Variants in EGFL8 observed in about 807,000 individuals in gnomAD.
EGFL8 encodes the protein EGF like domain multiple 8, also known as epidermal growth factor-like protein 8.
Under a neutral mutation model 39.4 loss-of-function variants are expected in EGFL8, and 32 were observed. The ratio of observed to expected loss-of-function variants is 0.81; its 90% CI spans 0.61 to 1.09. The LOEUF (loss-of-function observed/expected upper bound fraction) is 1.09. EGFL8 is among the 50% of genes least tolerant of loss of function. EGFL8 has a pLI of 0.00. For missense variants in EGFL8, 385 were observed against 402.2 expected (o/e 0.96, Z 0.37); for synonymous variants, 177 against 168.5 (o/e 1.05, Z -0.39).
rs1784682262 is a variant in EGFL8, at chr6:32,167,838, G to A, written c.836-72G>A. ...CCCCAGCCCAACAGTTTCACTTATT[G>A]TTTGGTGAGAGTGGCAGTGTAGTCC... On this transcript the variant is annotated intron_variant, in intron 8 of 8. Transcript: ENST00000333845. The surrounding 1 kb of genome is among the most constrained non-coding windows in gnomAD (Gnocchi z 6.4). The A allele has an allele frequency of 7.7e-6, 12 of 1,566,808 alleles. No homozygotes were observed. Among genetic ancestry groups the A allele is most frequent in the Non-Finnish European group, 1.1e-5 (12 of 1,140,324 alleles).
In EGFL8 at chr6:32,168,052, C is replaced by A; in HGVS notation, c.*96C>A. 7.9e-7 allele frequency: 1 copy of A among 1,272,032 alleles called. No individual in the cohort carries two copies. Among genetic ancestry groups the A allele is most frequent in the Non-Finnish European group, 1.1e-6 (1 of 873,814 alleles). 78.8% of individuals were successfully genotyped at this position (1,272,032 alleles called of 1,614,324 possible). A position where few individuals can be genotyped will look rare whatever the true frequency, so the allele number is the denominator to read the frequency against. On this transcript the variant is annotated 3_prime_UTR_variant, in exon 9 of 9. Coordinates refer to ENST00000333845, the MANE Select transcript of EGFL8 (RefSeq NM_030652.4). The surrounding 1 kb of genome is among the most constrained non-coding windows in gnomAD (Gnocchi z 4.5). ...GACTGTGAGCTGCAGATAAGGCTAT[C>A]AGCCACCAAAGAGCAATGAACAATG...
At position 32,166,411 on chromosome 6, in the gene EGFL8, G is replaced by A; in HGVS notation, c.102-87G>A. 6.2e-7 allele frequency: 1 copy of A among 1,603,472 alleles called. No individual in the cohort carries two copies. Among genetic ancestry groups the A allele is most frequent in the Non-Finnish European group, 8.5e-7 (1 of 1,172,202 alleles). On this transcript the variant is annotated intron_variant, in intron 2 of 8. Coordinates refer to ENST00000333845, the MANE Select transcript of EGFL8 (RefSeq NM_030652.4). The surrounding 1 kb of genome is among the most constrained non-coding windows in gnomAD (Gnocchi z 7.3). Reference sequence around the variant, plus strand: ...TCTGGAGGGAGAGCGGGGGGCCTCAGTAGCCTCTTGAGGGAAGTGGGACTC... The same window carrying A: ...TCTGGAGGGAGAGCGGGGGGCCTCAATAGCCTCTTGAGGGAAGTGGGACTC...
Position 32,164,808 on chromosome 6 carries a change from G to T in EGFL8, c.-29+151G>T. 1 of 625,646 alleles carries T rather than the reference G, an allele frequency of 1.6e-6. No individual in the cohort carries two copies. 38.8% of individuals were successfully genotyped at this position (625,646 alleles called of 1,614,324 possible). A position where few individuals can be genotyped will look rare whatever the true frequency, so the allele number is the denominator to read the frequency against. ...ATTTAGGGCGTTATGTGACGGTGTG[G>T]GTATATGAGGGGAGTAGCAGTGTGT... is the stretch of plus-strand genomic sequence containing the variant. On this transcript the variant is annotated intron_variant, in intron 1 of 8. Transcript: ENST00000333845. The surrounding 1 kb of genome is among the most constrained non-coding windows in gnomAD (Gnocchi z 5.4).
chr6:32,165,971 T>C, intron 1 of EGFL8, 167 bp from the exon 2 acceptor site: 1 of 632,620 alleles, frequency 1.6e-6, no homozygotes, highest in Non-Finnish European at 2.9e-6. Flanking sequence ...AAGGACAGGA[T>C]AGTGTTGGGT....
At position 32,166,748 on chromosome 6, in the gene EGFL8, A is replaced by C. The variant is rs1250465600; in HGVS notation, c.272A>C (p.Gln91Pro). 6.3e-7 allele frequency: 1 copy of C among 1,581,860 alleles called. No homozygotes were observed. Among genetic ancestry groups the C allele is most frequent in the East Asian group, 2.2e-5 (1 of 44,538 alleles). The change falls in exon 4 of 9, where the codon CAG (glutamine) becomes CCG (proline). Residue 91 changes from glutamine to proline, a missense_variant. Physicochemically the swap from Gln to Pro is moderately conservative, Grantham distance 76. Transcript: ENST00000333845. This position sits in a 1 kb window ranked among gnomAD's most constrained non-coding sequence, Gnocchi z 7.3. Reference sequence around the variant, plus strand: ...CGGGAGGTGAGGCGGGAGGTTCAGCAGACCCATGCAGTGTGCTGCCAGGGC... The same window carrying C: ...CGGGAGGTGAGGCGGGAGGTTCAGCCGACCCATGCAGTGTGCTGCCAGGGC... ...MWREVRREVQ[Q>P]THAVCCQGWK...
At chr6:32,165,995 G>A (rs1784451282) in intron 1 of EGFL8, 143 bp from the exon 2 acceptor site, 2 of 672,508 alleles carry the variant, frequency 3.0e-6, no homozygotes, top group Non-Finnish European at 5.4e-6. Context: ...ACACACAGGT[G>A]TAGGCAATCC....
At position 32,166,650 on chromosome 6, in the gene EGFL8, A is replaced by G. The variant is rs1290598427; in HGVS notation, c.224+30A>G. On this transcript the variant is annotated intron_variant, in intron 3 of 8. Coordinates refer to ENST00000333845, the MANE Select transcript of EGFL8 (RefSeq NM_030652.4). The surrounding 1 kb of genome is among the most constrained non-coding windows in gnomAD (Gnocchi z 7.3). The stretch of plus-strand genomic sequence containing the variant: ...GGGATGGGGAGATGGGACCCCAAGA[A>G]CCCCAACTAGGACCCGTACTCAGGG... The G allele has an allele frequency of 1.2e-6, 2 of 1,614,136 alleles. No individual in the cohort carries two copies. Among genetic ancestry groups the G allele is most frequent in the Admixed American group, 3.3e-5 (2 of 60,014 alleles).
At position 32,166,602 on chromosome 6, in the gene EGFL8, G is replaced by A. The variant is rs753309190; in HGVS notation, c.206G>A (p.Arg69His). The part of the protein sequence containing the change: ...KPYLTLCAGR[R>H]ICSTYRTMYR... ...TACCTGACCTTGTGCGCTGGGAGGC[G>A]CATCTGCAGCACTTACAGGTGAGGG... The change falls in exon 3 of 9, where the codon CGC (arginine) becomes CAC (histidine). Residue 69 changes from arginine to histidine, a missense_variant. Coordinates refer to ENST00000333845, the MANE Select transcript of EGFL8 (RefSeq NM_030652.4). This position sits in a 1 kb window ranked among gnomAD's most constrained non-coding sequence, Gnocchi z 7.3. The A allele has an allele frequency of 1.4e-5, 22 of 1,614,088 alleles. No homozygotes were observed. The highest frequency in any genetic ancestry group is 1.5e-5 in the Non-Finnish European group (18 of 1,180,042).
rs965091448 is a variant in EGFL8, at chr6:32,166,370, G to C, written c.101+104G>C. On this transcript the variant is annotated intron_variant, in intron 2 of 8. Transcript: ENST00000333845. This position sits in a 1 kb window ranked among gnomAD's most constrained non-coding sequence, Gnocchi z 7.3. ...AAACATAACTGTAAGTTTAGAATGG[G>C]GGTGAGAGGCTGTCATCTGGAGGGA... 3.1e-5 allele frequency: 49 copies of C among 1,567,688 alleles called. No homozygotes were observed. The South Asian group carries it at 5.1e-4, about 16-fold the overall frequency.
In EGFL8 at chr6:32,167,757, A is replaced by C; in HGVS notation, c.835+101A>C. ...CCTCTTTCCTCCAAGCCCCTCTCCA[A>C]CATTCACTATCCTCATGCCTCTCCA... On this transcript the variant is annotated intron_variant, in intron 8 of 8. Coordinates refer to ENST00000333845, the MANE Select transcript of EGFL8 (RefSeq NM_030652.4). This position sits in a 1 kb window ranked among gnomAD's most constrained non-coding sequence, Gnocchi z 6.4. 6.5e-7 allele frequency: 1 copy of C among 1,533,878 alleles called. No individual in the cohort carries two copies. Among genetic ancestry groups the C allele is most frequent in the South Asian group, 1.2e-5 (1 of 82,344 alleles).
rs947150513 is a variant in EGFL8, at chr6:32,164,873, G to A, written c.-29+216G>A. On this transcript the variant is annotated intron_variant, in intron 1 of 8. Transcript: ENST00000333845. The surrounding 1 kb of genome is among the most constrained non-coding windows in gnomAD (Gnocchi z 5.4). ...TTCCAGGTGCTTGGTTTGTGTGTAC[G>A]GTGTGAAGGTATATAGCTAGGGGTT... Among the ~76,000 whole-genome samples, 1 of 151,932 alleles carries A rather than the reference G, an allele frequency of 6.6e-6. No homozygotes were observed. Among genetic ancestry groups the A allele is most frequent in the Non-Finnish European group, 1.5e-5 (1 of 67,958 alleles).
Position 32,167,100 on chromosome 6 carries a change from T to C in EGFL8, c.444T>C (p.Cys148=), listed in dbSNP as rs1189031998. The change falls in exon 6 of 9, where the codon TGT becomes TGC. Residue 148 remains cysteine (C), a synonymous_variant. Transcript: ENST00000333845. This position sits in a 1 kb window ranked among gnomAD's most constrained non-coding sequence, Gnocchi z 6.4. ...GKHCHVDVDE[C]RTSITLCSHH... is the part of the protein sequence containing the mutation. ...TTCGGTAACTAGACGTGGATGAATG[T>C]AGGACCAGCATCACCCTCTGCTCGC... The C allele has an allele frequency of 6.2e-7, 1 of 1,613,098 alleles. No homozygotes were observed. Among genetic ancestry groups the C allele is most frequent in the Admixed American group, 1.7e-5 (1 of 60,024 alleles).
Position 32,166,588 on chromosome 6 carries a change from G to C in EGFL8, c.192G>C (p.Leu64Phe). Residue 64 changes from leucine (L) to phenylalanine (F), a missense_variant, in exon 3 of 9, where the codon TTG becomes TTC. Transcript: ENST00000333845. This position sits in a 1 kb window ranked among gnomAD's most constrained non-coding sequence, Gnocchi z 7.3. ...SQPVYKPYLT[L>F]CAGRRICSTY... ...CAGTGTACAAGCCCTACCTGACCTT[G>C]TGCGCTGGGAGGCGCATCTGCAGCA... 1 of 1,614,198 alleles carries C rather than the reference G, an allele frequency of 6.2e-7. No individual in the cohort carries two copies. The highest frequency in any genetic ancestry group is 8.5e-7 in the Non-Finnish European group (1 of 1,180,038).
rs1443954945 is a variant in EGFL8 at position 32,166,759 on chromosome 6, G to T, written c.283G>T (p.Val95Leu). The change falls in exon 4 of 9, where the codon GTG (valine) becomes TTG (leucine). Residue 95 changes from valine to leucine, a missense_variant. Val to Leu is a conservative substitution (Grantham distance 32). Coordinates refer to ENST00000333845, the MANE Select transcript of EGFL8 (RefSeq NM_030652.4). This position sits in a 1 kb window ranked among gnomAD's most constrained non-coding sequence, Gnocchi z 7.3. The stretch of plus-strand genomic sequence containing the variant: ...GCGGGAGGTTCAGCAGACCCATGCA[G>T]TGTGCTGCCAGGGCTGGAAGAAGCG... ...VRREVQQTHA[V>L]CCQGWKKRHP... 3 of 1,580,932 alleles carry T rather than the reference G, an allele frequency of 1.9e-6. No homozygotes were observed. Among genetic ancestry groups the T allele is most frequent in the African/African-American group, 2.7e-5 (2 of 74,196 alleles).
intron 1 of EGFL8, chr6:32,165,539 G>A (rs1352622433): frequency 6.7e-6 from 1 of 148,444 alleles, no homozygotes; most frequent in Admixed American, 6.7e-5. Context: ...GGGTGACAGC[G>A]AGACTCCGTC....
chr6:32,167,019 T>A lies in EGFL8; in HGVS notation c.430+14T>A. Reference sequence around the variant, plus strand: ...ACTGTCATGTGGGTGAGTCAGCTTGTCCTCCCCACCTACCCAGGTGCTTGC... The same window carrying A: ...ACTGTCATGTGGGTGAGTCAGCTTGACCTCCCCACCTACCCAGGTGCTTGC... On this transcript the variant is annotated intron_variant, in intron 5 of 8. Transcript: ENST00000333845. This position sits in a 1 kb window ranked among gnomAD's most constrained non-coding sequence, Gnocchi z 6.4. The A allele has an allele frequency of 6.2e-7, 1 of 1,612,938 alleles. No homozygotes were observed. Among genetic ancestry groups the A allele is most frequent in the South Asian group, 1.1e-5 (1 of 91,084 alleles).
rs769257440 is a variant in EGFL8 at position 32,166,812 on chromosome 6, T to C, written c.334+2T>C. ...ACCCGGGGGCGCTCACCTGTGAAGG[T>C]GAGGCTGGGTCTTCCGGGCCTTGCG... is the stretch of plus-strand genomic sequence containing the variant. On this transcript the variant is annotated splice_donor_variant, in intron 4 of 8. Coordinates refer to ENST00000333845, the MANE Select transcript of EGFL8 (RefSeq NM_030652.4). LOFTEE classifies it high-confidence loss of function. This position sits in a 1 kb window ranked among gnomAD's most constrained non-coding sequence, Gnocchi z 7.3. The C allele has an allele frequency of 1.3e-6, 2 of 1,572,326 alleles. No homozygotes were observed. Among genetic ancestry groups the C allele is most frequent in the Non-Finnish European group, 1.7e-6 (2 of 1,157,986 alleles).
chr6:32,166,406 C>A lies in EGFL8; in HGVS notation c.102-92C>A. 1.2e-6 allele frequency: 2 copies of A among 1,601,880 alleles called. No individual in the cohort carries two copies. Among genetic ancestry groups the A allele is most frequent in the Non-Finnish European group, 1.7e-6 (2 of 1,171,268 alleles). On this transcript the variant is annotated intron_variant, in intron 2 of 8. Transcript: ENST00000333845. This position sits in a 1 kb window ranked among gnomAD's most constrained non-coding sequence, Gnocchi z 7.3. ...TGTCATCTGGAGGGAGAGCGGGGGG[C>A]CTCAGTAGCCTCTTGAGGGAAGTGG... is the stretch of plus-strand genomic sequence containing the variant.
In EGFL8 at chr6:32,166,216, C is replaced by T; in HGVS notation, c.51C>T (p.Leu17=). The T allele has an allele frequency of 6.2e-7, 1 of 1,614,146 alleles. No homozygotes were observed. Among genetic ancestry groups the T allele is most frequent in the East Asian group, 2.2e-5 (1 of 44,866 alleles). The change falls in exon 2 of 9, where the codon CTC becomes CTT. Residue 17 remains leucine, a synonymous_variant. Coordinates refer to ENST00000333845, the MANE Select transcript of EGFL8 (RefSeq NM_030652.4). This position sits in a 1 kb window ranked among gnomAD's most constrained non-coding sequence, Gnocchi z 7.3. ...CTCTCTTAGGCGGATTCTCCTTCCT[C>T]CTGCTACTGATACCAGGCGAGGGGG... The part of the protein sequence containing the change: ...LCTLLGGFSF[L]LLLIPGEGAK...
Sources: allele counts gnomAD v4.1 joint callset (sites outside exome capture counted in the v4.1 genomes callset), GRCh38; gene constraint gnomAD v4.1.1; non-coding constraint Gnocchi (gnomAD v3.1); transcripts MANE v1.5; gene names NCBI Gene and HGNC (gene_info 2026-07-23, HGNC 2026-07-21).